GMDS: variants seen among roughly 807,000 people sequenced by gnomAD.
GMDS encodes GDP-mannose 4,6 dehydratase.
In GMDS, 20 loss-of-function variants were observed where a neutral mutation model predicts 49.9. That is an observed-to-expected ratio of 0.40 (90% confidence interval 0.28 to 0.58). The LOEUF (loss-of-function observed/expected upper bound fraction) is 0.58, where lower values mean the gene tolerates loss of function less well. GMDS is among the 20% of genes least tolerant of loss of function. The pLI is 0.42. For missense variants in GMDS, 362 were observed against 481.4 expected, an observed-to-expected ratio of 0.75 and a Z score of 2.32; for synonymous variants, 177 against 178.6, an observed-to-expected ratio of 0.99 and a Z score of 0.07.
At position 1,738,011 on chromosome 6, in the gene GMDS, CACAT is replaced by C. The variant is rs1317385688; in HGVS notation, c.890+4453_890+4456del. Among the ~76,000 whole-genome samples the C allele has an allele frequency of 8.3e-3, 682 of 82,040 alleles. 6 individuals carry two copies. The highest frequency in any genetic ancestry group is 0.032 in the African/African-American group (640 of 20,164). The allele number at this position is 82,040 out of a possible 152,430, so 53.8% of individuals were successfully genotyped here. On this transcript the variant is annotated intron_variant, in intron 8 of 10. Transcript: ENST00000380815. Reference sequence around the variant, plus strand: ...CACAAACACACCACACACACAGACACACATACACACATACACACACCACACACAC... The same window carrying C: ...CACAAACACACCACACACACAGACACACACACATACACACACCACACACAC...
At chr6:1,979,089 GA>G (rs1561941972) in intron 4 of GMDS, among the ~76,000 whole-genome samples, 1 of 152,008 alleles carries the variant, frequency 6.6e-6, no homozygotes, top group Non-Finnish European at 1.5e-5. Flanking sequence ...ACAAAGATGA[GA>G]AAAAAAATCA....
At chr6:1,846,399 C>G (rs1262645223) in intron 7 of GMDS, among the ~76,000 whole-genome samples, 1 of 152,034 alleles carries the variant, frequency 6.6e-6, no homozygotes, top group South Asian at 2.1e-4. Flanking sequence ...AGCCAGACAC[C>G]ATGATTCTAA....
At chr6:2,020,371 A>C (rs1296194753) in intron 4 of GMDS, among the ~76,000 whole-genome samples, 3 of 152,036 alleles carry the variant, frequency 2.0e-5, no homozygotes, top group Non-Finnish European at 4.4e-5. Flanking sequence ...GTTATGAGAG[A>C]TCACATAGAG....
At chr6:1,755,257 T>C (rs1423547941) in intron 7 of GMDS, among the ~76,000 whole-genome samples, 4 of 152,164 alleles carry the variant, frequency 2.6e-5, no homozygotes. Context: ...AGCCAAATCA[T>C]GAGTGAACTC....
In GMDS at chr6:1,960,828, C is replaced by G. The variant is rs1354904571; in HGVS notation, c.484G>C (p.Val162Leu). The part of the protein sequence containing the change: ...QASTSELYGK[V>L]QEIPQKETTP... ...GTCTCCTTCTGGGGTATTTCCTGCA[C>G]TTTCCCATAAAGTTCACTTGTTGAG... Residue 162 changes from valine to leucine, a missense_variant, in exon 5 of 11, where the codon GTG (valine) becomes CTG (leucine). Val to Leu is a conservative substitution (Grantham distance 32). Coordinates refer to ENST00000380815, the MANE Select transcript of GMDS (RefSeq NM_001500.4). The G allele has an allele frequency of 2.6e-5, 42 of 1,611,792 alleles. No individual in the cohort carries two copies. The highest frequency in any genetic ancestry group is 3.4e-5 in the Non-Finnish European group (40 of 1,178,226).
At chr6:2,136,719 C>G (rs1442113879) in intron 1 of GMDS, among the ~76,000 whole-genome samples, 2 of 150,708 alleles carry the variant, frequency 1.3e-5, no homozygotes, top group African/African-American at 4.9e-5. Flanking sequence ...GACCATGTAC[C>G]AAAAAAAACA....
chr6:1,939,706 T>C (rs1318394981), intron 6 of GMDS, among the ~76,000 whole-genome samples: 1 of 151,928 alleles, frequency 6.6e-6, no homozygotes, highest in Admixed American at 6.6e-5. Context: ...GGAAAAAAAC[T>C]GACAAAATTT....
intron 7 of GMDS, among the ~76,000 whole-genome samples, chr6:1,812,662 C>T (rs533121519): frequency 4.6e-5 from 7 of 152,144 alleles, no homozygotes; most frequent in South Asian, 4.2e-4. Context: ...AACCCCCCAC[C>T]GACTGATTCA....
In GMDS at chr6:2,191,353, C is replaced by T. The variant is rs1380301073; in HGVS notation, c.102+53968G>A. 6.6e-6 allele frequency among the ~76,000 whole-genome samples: 1 copy of T among 152,130 alleles called. No homozygotes were observed. Among genetic ancestry groups the T allele is most frequent in the East Asian group, 1.9e-4 (1 of 5,172 alleles). ...GATGTCCCTGGACACCAGCCCAGGC[C>T]CAGCAAGGACCTAGAGCCCCCAGGC... On this transcript the variant is annotated intron_variant, in intron 1 of 10. Transcript: ENST00000380815. The surrounding 1 kb of genome is among the most constrained non-coding windows in gnomAD (Gnocchi z 4.6).
chr6:2,166,839 ACACCT>A (rs1293154717), intron 1 of GMDS, among the ~76,000 whole-genome samples: 1 of 152,146 alleles, frequency 6.6e-6, no homozygotes, highest in Admixed American at 6.5e-5. Flanking sequence ...CCAGCCTGTC[ACACCT>A]AGTGAGCAAA....
chr6:1,761,684 T>C (rs1422003994), intron 7 of GMDS, among the ~76,000 whole-genome samples: 1 of 152,194 alleles, frequency 6.6e-6, no homozygotes, highest in Non-Finnish European at 1.5e-5. Context: ...TGTCAAAATA[T>C]TGTTCTTTTA....
chr6:2,170,982 G>A (rs1048883173), intron 1 of GMDS, among the ~76,000 whole-genome samples: 4 of 151,874 alleles, frequency 2.6e-5, no homozygotes, highest in Non-Finnish European at 4.4e-5. Flanking sequence ...GCAAAAGAGT[G>A]AGACTCCGTC....
intron 7 of GMDS, among the ~76,000 whole-genome samples, chr6:1,822,963 A>T (rs1770957828): frequency 6.6e-6 from 1 of 152,176 alleles, no homozygotes; most frequent in South Asian, 2.1e-4. Flanking sequence ...AAATCCTTCA[A>T]TCTAGTTACA....
intron 2 of GMDS, among the ~76,000 whole-genome samples, chr6:2,119,701 C>G (rs1775038801): frequency 6.6e-6 from 1 of 151,966 alleles, no homozygotes; most frequent in South Asian, 2.1e-4. Flanking sequence ...TGTTAGGAAC[C>G]AAACTGAAAA....
intron 4 of GMDS, among the ~76,000 whole-genome samples, chr6:2,060,203 A>G (rs1357656373): frequency 6.6e-6 from 1 of 152,126 alleles, no homozygotes; most frequent in African/African-American, 2.4e-5. Context: ...ACCCTGGCGT[A>G]CTGTTCCCGG....
At chr6:2,089,174 T>C (rs1346314240) in intron 4 of GMDS, among the ~76,000 whole-genome samples, 1 of 152,204 alleles carries the variant, frequency 6.6e-6, no homozygotes, top group Non-Finnish European at 1.5e-5. Context: ...CTTCCAATAC[T>C]TTTTAGTTCT....
chr6:1,987,301 T>C (rs564574105), intron 4 of GMDS, among the ~76,000 whole-genome samples: 347 of 152,256 alleles, frequency 2.3e-3, no homozygotes, highest in African/African-American at 8.1e-3. Flanking sequence ...TCTTCCTTTC[T>C]ATTTATATAC....
rs373374297 is a variant in GMDS, at chr6:1,881,058, G to A, written c.771+49045C>T. Among the ~76,000 whole-genome samples, 46 of 152,290 alleles carry A rather than the reference G, an allele frequency of 3.0e-4. No individual in the cohort carries two copies. The East Asian group carries it at 3.7e-3, about 12-fold the overall frequency. ...AAAAGTAAGATCATTCCAGCACTGC[G>A]TTTCTGAGATGAAGAGAAAATGTTA... is the stretch of plus-strand genomic sequence containing the variant. On this transcript the variant is annotated intron_variant, in intron 7 of 10. Coordinates refer to ENST00000380815, the MANE Select transcript of GMDS (RefSeq NM_001500.4).
rs1022683981 is a variant in GMDS, at chr6:1,913,493, C to G, written c.771+16610G>C. ...CCAAGGAAATTTGGTAGCAAACTAT[C>G]TAAAAGACATTTTTAGAAGTGAGTT... is the stretch of plus-strand genomic sequence containing the variant. On this transcript the variant is annotated intron_variant, in intron 7 of 10. Coordinates refer to ENST00000380815, the MANE Select transcript of GMDS (RefSeq NM_001500.4). Among the ~76,000 whole-genome samples the G allele has an allele frequency of 3.3e-5, 5 of 151,486 alleles. No homozygotes were observed. In the East Asian group the frequency reaches 9.7e-4, roughly 29 times the overall value.
Sources: allele counts gnomAD v4.1 joint callset (sites outside exome capture counted in the v4.1 genomes callset), GRCh38; gene constraint gnomAD v4.1.1; non-coding constraint Gnocchi (gnomAD v3.1); transcripts MANE v1.5; gene names NCBI Gene and HGNC (gene_info 2026-07-23, HGNC 2026-07-21).